MAP4K1: variants seen among roughly 807,000 people sequenced by gnomAD.
MAP4K1 encodes MAPK/ERK kinase kinase kinase 1.
Under a neutral mutation model 122.8 loss-of-function variants are expected in MAP4K1, and 35 were observed. That is an observed-to-expected ratio of 0.29 (90% CI 0.22 to 0.38). MAP4K1 has a LOEUF of 0.38. Ranked by LOEUF, MAP4K1 falls within the 10% of genes least tolerant of loss-of-function variation. MAP4K1 has a pLI of 1.00. For missense variants in MAP4K1, 791 were observed against 1,072.6 expected, an observed-to-expected ratio of 0.74 and a Z score of 3.67; for synonymous variants, 412 against 421.3, an observed-to-expected ratio of 0.98 and a Z score of 0.27.
chr19:38,609,160 G>A (rs1208664382), intron 13 of MAP4K1, among the ~76,000 whole-genome samples: 2 of 152,042 alleles, frequency 1.3e-5, no homozygotes, highest in African/African-American at 2.4e-5. Context: ...CCTTGAGACG[G>A]TCTCGCTCTT....
intron 29 of MAP4K1, among the ~76,000 whole-genome samples, chr19:38,594,782 T>G (rs1974819492): frequency 6.8e-6 from 1 of 147,788 alleles, no homozygotes; most frequent in Non-Finnish European, 1.5e-5. Flanking sequence ...CTACTAAAAA[T>G]ACAAAAAAAT....
Position 38,597,300 on chromosome 19 carries a change from T to G in MAP4K1, c.1837+26A>C. ...CTCTGGCCTGGCCCCGCCCACTCTC[T>G]GCACACCCGTGAAGCTCTCTCTCAC... On this transcript the variant is annotated intron_variant, in intron 24 of 30. Coordinates refer to ENST00000396857, the MANE Select transcript of MAP4K1 (RefSeq NM_001042600.3). This position sits in a 1 kb window ranked among gnomAD's most constrained non-coding sequence, Gnocchi z 4.6. 1 of 1,613,796 alleles carries G rather than the reference T, an allele frequency of 6.2e-7. No homozygotes were observed. The highest frequency in any genetic ancestry group is 8.5e-7 in the Non-Finnish European group (1 of 1,179,972).
At chr19:38,602,908 A>G (rs1975153592) in intron 19 of MAP4K1, among the ~76,000 whole-genome samples, 1 of 149,344 alleles carries the variant, frequency 6.7e-6, no homozygotes, top group Admixed American at 6.7e-5. Context: ...ATATATACAC[A>G]CATGTACACA....
rs371787323 is a variant in MAP4K1 at position 38,604,606 on chromosome 19, C to G, written c.1446+803G>C. Among the ~76,000 whole-genome samples, 765 of 151,446 alleles carry G rather than the reference C, an allele frequency of 5.1e-3. 3 individuals are homozygous for G. Among genetic ancestry groups the G allele is most frequent in the African/African-American group, 0.014 (581 of 41,294 alleles). Reference sequence around the variant, plus strand: ...GAGATCGAGACCATCCTGGCTAACACGGTGAAACCCCGTCTCTACTAAAAA... The same window carrying G: ...GAGATCGAGACCATCCTGGCTAACAGGGTGAAACCCCGTCTCTACTAAAAA... On this transcript the variant is annotated intron_variant, in intron 19 of 30. Coordinates refer to ENST00000396857, the MANE Select transcript of MAP4K1 (RefSeq NM_001042600.3).
chr19:38,600,352 T>C (rs533306475), intron 20 of MAP4K1, among the ~76,000 whole-genome samples, 199 bp from the exon 21 acceptor site: 1 of 152,230 alleles, frequency 6.6e-6, no homozygotes, highest in African/African-American at 2.4e-5. Context: ...CTCTCCCTCC[T>C]TTTGACTACC....
intron 30 of MAP4K1, among the ~76,000 whole-genome samples, chr19:38,588,655 G>A (rs1400054552): frequency 6.6e-6 from 1 of 152,012 alleles, no homozygotes; most frequent in African/African-American, 2.4e-5. Flanking sequence ...GGGAGGCTGA[G>A]GCAGGAGAAT....
At chr19:38,600,911 T>G (rs1975042360) in intron 20 of MAP4K1, among the ~76,000 whole-genome samples, 1 of 150,330 alleles carries the variant, frequency 6.7e-6, no homozygotes, top group African/African-American at 2.4e-5. Flanking sequence ...ATTCAAGCAA[T>G]TATCCTGCCT....
chr19:38,589,938 G>A (rs1408898393), intron 30 of MAP4K1, among the ~76,000 whole-genome samples: 1 of 151,986 alleles, frequency 6.6e-6, no homozygotes, highest in Non-Finnish European at 1.5e-5. Context: ...GTTGAGGTGG[G>A]AGGACTGATT....
chr19:38,608,193 A>C, intron 13 of MAP4K1, 23 bp from the exon 14 acceptor site: 1 of 1,373,786 alleles, frequency 7.3e-7, no homozygotes, highest in Non-Finnish European at 9.7e-7. Context: ...GGGGAAGATA[A>C]CCTGCTGTGA....
chr19:38,617,265 A>T lies in MAP4K1; in HGVS notation c.248+89T>A, dbSNP rs1975673891. On this transcript the variant is annotated intron_variant, in intron 3 of 30. Coordinates refer to ENST00000396857, the MANE Select transcript of MAP4K1 (RefSeq NM_001042600.3). The surrounding 1 kb of genome is among the most constrained non-coding windows in gnomAD (Gnocchi z 4.1). ...TCTCAAAAAAGAAAAAGAAAAGAAA[A>T]AAAAAGAACTGAGGGTACCCCCATC... is the stretch of plus-strand genomic sequence containing the variant. 1 of 885,914 alleles carries T rather than the reference A, an allele frequency of 1.1e-6. No individual in the cohort carries two copies. The highest frequency in any genetic ancestry group is 1.9e-6 in the Non-Finnish European group (1 of 534,932). The allele number at this position is 885,914 out of a possible 1,614,324, so 54.9% of individuals were successfully genotyped here.
At chr19:38,616,616 G>A (rs1047675402) in intron 3 of MAP4K1, among the ~76,000 whole-genome samples, 2 of 152,144 alleles carry the variant, frequency 1.3e-5, no homozygotes, top group African/African-American at 2.4e-5. Context: ...GGGGAGCAGA[G>A]GTCATTATTG....
intron 19 of MAP4K1, among the ~76,000 whole-genome samples, chr19:38,605,108 G>T (rs1975284791): frequency 6.8e-6 from 1 of 146,794 alleles, no homozygotes; most frequent in Non-Finnish European, 1.5e-5. Context: ...AAAAAAAGCA[G>T]AAACAACAAT....
At chr19:38,616,407 G>A in intron 3 of MAP4K1, 148 bp from the exon 4 acceptor site, 1 of 566,260 alleles carries the variant, frequency 1.8e-6, no homozygotes, top group Non-Finnish European at 3.0e-6. Context: ...GTCTACCAGA[G>A]TGAGGTTGTT....
intron 22 of MAP4K1, 137 bp downstream of exon 22, chr19:38,599,788 T>C: frequency 3.7e-6 from 3 of 810,160 alleles, no homozygotes; most frequent in Non-Finnish European, 6.3e-6. Context: ...AGTCAAAAAG[T>C]GTCTGGGATT....
At chr19:38,616,355 A>T in intron 3 of MAP4K1, 96 bp from the exon 4 acceptor site, 1 of 897,594 alleles carries the variant, frequency 1.1e-6, no homozygotes, top group Non-Finnish European at 1.7e-6. Context: ...CTAGTTCAAT[A>T]AGAACTTTAA....
intron 22 of MAP4K1, among the ~76,000 whole-genome samples, chr19:38,599,117 T>C (rs1456132556): frequency 2.1e-5 from 3 of 142,914 alleles, no homozygotes; most frequent in African/African-American, 7.9e-5. Context: ...TCACCTGAGG[T>C]CAGGAGTTTG....
chr19:38,599,828 T>A, intron 22 of MAP4K1, 97 bp downstream of exon 22: 1 of 1,158,074 alleles, frequency 8.6e-7, no homozygotes, highest in South Asian at 1.2e-5. Context: ...CCAAGCAGTC[T>A]AAGTTTTTTT....
At chr19:38,613,399 C>T (rs1462816296) in intron 8 of MAP4K1, among the ~76,000 whole-genome samples, 1 of 150,374 alleles carries the variant, frequency 6.7e-6, no homozygotes, top group Non-Finnish European at 1.5e-5. Flanking sequence ...ATGGTGCACA[C>T]CTGTGGTCCC....
Position 38,600,134 on chromosome 19 carries a change from C to T in MAP4K1, c.1551G>A (p.Gly517=). The change falls in exon 21 of 31, where the codon GGG becomes GGA. Residue 517 remains glycine, a synonymous_variant. Transcript: ENST00000396857. Reference sequence around the variant, plus strand: ...TCAGGATGAAGATGCCTTCCTCTGCCCCCAGGAGCAGGTGCTGGTCTGGAG... The same window carrying T: ...TCAGGATGAAGATGCCTTCCTCTGCTCCCAGGAGCAGGTGCTGGTCTGGAG... ...PSTKDQHLLL[G]AEEGIFILNR... The T allele has an allele frequency of 6.2e-7, 1 of 1,614,146 alleles. No individual in the cohort carries two copies. Among genetic ancestry groups the T allele is most frequent in the African/African-American group, 1.3e-5 (1 of 75,026 alleles).
Sources: allele counts gnomAD v4.1 joint callset (sites outside exome capture counted in the v4.1 genomes callset), GRCh38; gene constraint gnomAD v4.1.1; non-coding constraint Gnocchi (gnomAD v3.1); transcripts MANE v1.5; gene names NCBI Gene and HGNC (gene_info 2026-07-23, HGNC 2026-07-21).